The following DSTYK variants were observed in gnomAD, a reference collection of about 807,000 sequenced individuals.
DSTYK encodes the protein dual serine/threonine and tyrosine protein kinase.
In DSTYK, 34 loss-of-function variants were observed where a neutral mutation model predicts 98.7. The observed-to-expected ratio is 0.34, with a 90% CI of 0.26 to 0.46. The LOEUF is 0.46. Ranked by LOEUF, DSTYK falls within the 20% of genes least tolerant of loss-of-function variation. DSTYK has a pLI of 1.00. For missense variants in DSTYK, 962 were observed against 1,181.7 expected (o/e 0.81, Z 2.73); for synonymous variants, 462 against 457.3 (o/e 1.01, Z -0.13).
chr1:205,197,531 C>T (rs1452480790), intron 1 of DSTYK, among the ~76,000 whole-genome samples: 2 of 151,792 alleles, frequency 1.3e-5, no homozygotes, highest in Non-Finnish European at 2.9e-5. Context: ...CAAATATATA[C>T]CTAGCAAAGC....
At chr1:205,149,685 A>C (rs1657346410) in intron 11 of DSTYK, among the ~76,000 whole-genome samples, 1 of 152,172 alleles carries the variant, frequency 6.6e-6, no homozygotes, top group East Asian at 1.9e-4. Context: ...TACTGTTGCT[A>C]AAGCTCATCT....
chr1:205,159,349 C>T (rs530107769), intron 9 of DSTYK, among the ~76,000 whole-genome samples, 198 bp downstream of exon 9: 8 of 152,256 alleles, frequency 5.3e-5, no homozygotes, highest in African/African-American at 1.9e-4. Context: ...TTGGCCTCCC[C>T]ACGTGCTGGG....
chr1:205,199,690 G>A (rs1431793271), intron 1 of DSTYK, among the ~76,000 whole-genome samples: 1 of 152,036 alleles, frequency 6.6e-6, no homozygotes, highest in East Asian at 1.9e-4. Context: ...CCCCCACGTG[G>A]ACTCGCCCTC....
At chr1:205,204,316 C>T (rs1459547673) in intron 1 of DSTYK, among the ~76,000 whole-genome samples, 1 of 152,156 alleles carries the variant, frequency 6.6e-6, no homozygotes, top group East Asian at 1.9e-4. Context: ...GCCGCAGAAG[C>T]AGAATTGGAC....
At chr1:205,187,900 A>G in intron 1 of DSTYK, 94 bp from the exon 2 acceptor site, 2 of 1,242,466 alleles carry the variant, frequency 1.6e-6, no homozygotes, top group Non-Finnish European at 2.2e-6. Context: ...AAATCCCATG[A>G]GGAAGACAAG....
At chr1:205,149,205 G>GTT (rs74891716) in intron 11 of DSTYK, among the ~76,000 whole-genome samples, 2 of 146,708 alleles carry the variant, frequency 1.4e-5, no homozygotes, top group African/African-American at 5.0e-5. Flanking sequence ...CTGGCCGAAA[G>GTT]TTTTTTTTTT....
At chr1:205,177,418 G>A (rs1178359927) in intron 2 of DSTYK, among the ~76,000 whole-genome samples, 3 of 151,992 alleles carry the variant, frequency 2.0e-5, no homozygotes, top group South Asian at 2.1e-4. Context: ...TTCTCCTCTC[G>A]TGACATTCTC....
At chr1:205,180,836 A>G (rs964493759) in intron 2 of DSTYK, among the ~76,000 whole-genome samples, 6 of 152,192 alleles carry the variant, frequency 3.9e-5, no homozygotes, top group African/African-American at 1.4e-4. Context: ...TTGCCTCTGA[A>G]TCACACATAT....
chr1:205,160,273 A>G lies in DSTYK; in HGVS notation c.1949-3T>C. 5 of 1,613,708 alleles carry G rather than the reference A, an allele frequency of 3.1e-6. No individual in the cohort carries two copies. Among genetic ancestry groups the G allele is most frequent in the Non-Finnish European group, 4.2e-6 (5 of 1,179,940 alleles). On this transcript the variant is annotated splice_region_variant and splice_polypyrimidine_tract_variant and intron_variant, in intron 7 of 12. Transcript: ENST00000367162. ...TTCCTGTCCCAGTTTAGGTTTACCT[A>G]TAAGGTACAGAGACAGAGATAAGGC...
intron 2 of DSTYK, among the ~76,000 whole-genome samples, chr1:205,176,959 C>T (rs1012781979): frequency 1.3e-5 from 2 of 152,012 alleles, no homozygotes; most frequent in African/African-American, 4.8e-5. Flanking sequence ...AATCCTGGCA[C>T]TTTGGAAGGC....
chr1:205,211,376 C>G lies in DSTYK; in HGVS notation c.160G>C (p.Asp54His), dbSNP rs771931255. Reference sequence around the variant, plus strand: ...GTGTGGTTGTGGGAGCACTTGATGTCGCGGAAGAACTTCTGGGTCTCGCGC... The same window carrying G: ...GTGTGGTTGTGGGAGCACTTGATGTGGCGGAAGAACTTCTGGGTCTCGCGC... ...NLRETQKFFR[D>H]IKCSHNHTCL... is the part of the protein sequence containing the mutation. The change falls in exon 1 of 13, where the codon GAC (aspartate) becomes CAC (histidine). Residue 54 changes from aspartate (D) to histidine (H), a missense_variant. Around this residue, in one of 4 missense-constraint regions of DSTYK, gnomAD observed 168 missense variants for 120.0 expected, o/e 1.40. Transcript: ENST00000367162. 18 of 1,612,426 alleles carry G rather than the reference C, an allele frequency of 1.1e-5. No individual in the cohort carries two copies. Among genetic ancestry groups the G allele is most frequent in the Admixed American group, 1.7e-5 (1 of 59,908 alleles).
intron 3 of DSTYK, among the ~76,000 whole-genome samples, chr1:205,166,232 T>C (rs957512025): frequency 1.3e-5 from 2 of 152,052 alleles, no homozygotes; most frequent in Non-Finnish European, 2.9e-5. Context: ...GGGGATGGTG[T>C]CTTTATAACT....
chr1:205,174,886 C>T (rs11240375), intron 2 of DSTYK, among the ~76,000 whole-genome samples: 68,413 of 149,440 alleles, frequency 0.46, 19,039 homozygotes, highest in Non-Finnish European at 0.62. Flanking sequence ...TACAGGCATG[C>T]GCCACCACGC....
intron 2 of DSTYK, among the ~76,000 whole-genome samples, chr1:205,178,857 G>A (rs971487416): frequency 6.6e-6 from 1 of 152,086 alleles, no homozygotes; most frequent in Non-Finnish European, 1.5e-5. Context: ...ATTATAGGCC[G>A]GGCACACTGA....
At position 205,163,961 on chromosome 1, in the gene DSTYK, G is replaced by A; in HGVS notation, c.1325-6C>T. On this transcript the variant is annotated splice_region_variant and splice_polypyrimidine_tract_variant and intron_variant, in intron 3 of 12. Transcript: ENST00000367162. ...ATTCTCAGGGACAATGACGTCTATG[G>A]AGGCAGAGAAATAAGCTGAATAGTT... 1 of 1,612,782 alleles carries A rather than the reference G, an allele frequency of 6.2e-7. No homozygotes were observed. The highest frequency in any genetic ancestry group is 8.5e-7 in the Non-Finnish European group (1 of 1,178,826).
In DSTYK at chr1:205,201,405, C is replaced by CAAA. The variant is rs67120994; in HGVS notation, c.265+9863_265+9865dup. Among the ~76,000 whole-genome samples the CAAA allele has an allele frequency of 3.1e-3, 294 of 95,400 alleles. 3 individuals carry two copies. The highest frequency in any genetic ancestry group is 0.017 in the South Asian group (45 of 2,590). The allele number at this position is 95,400 out of a possible 152,430, so 62.6% of individuals were successfully genotyped here. A position where few individuals can be genotyped will look rare whatever the true frequency, so the allele number is the denominator to read the frequency against. On this transcript the variant is annotated intron_variant, in intron 1 of 12. Transcript: ENST00000367162. ...AATTAAAAACAAAATTTTTTTAATGCAAAAAAAAAAAAAAAAAAAGAATGC... is the reference window on the plus strand; with the variant it reads ...AATTAAAAACAAAATTTTTTTAATGCAAAAAAAAAAAAAAAAAAAAAAGAATGC...
chr1:205,169,409 T>C lies in DSTYK; in HGVS notation c.1078A>G (p.Lys360Glu), dbSNP rs751802361. Residue 360 changes from lysine (K) to glutamate (E), a missense_variant, in exon 3 of 13, where the codon AAG becomes GAG. Transcript: ENST00000367162. This position sits in a 1 kb window ranked among gnomAD's most constrained non-coding sequence, Gnocchi z 4.0. ...TGGCAGTGCACCAGGTTCAGGGCCT[T>C]GGCTGCATCCACCAGGCGAGTCTGT... ...VLQTRLVDAA[K>E]ALNLVHCHCL... The C allele has an allele frequency of 1.9e-6, 3 of 1,614,176 alleles. No individual in the cohort carries two copies. Among genetic ancestry groups the C allele is most frequent in the Non-Finnish European group, 2.5e-6 (3 of 1,180,038 alleles).
chr1:205,160,660 G>A (rs142387318), intron 7 of DSTYK, among the ~76,000 whole-genome samples: 67 of 152,148 alleles, frequency 4.4e-4, no homozygotes, highest in African/African-American at 1.6e-3. Context: ...TTGTGAACCT[G>A]CCTTTAGGGT....
At chr1:205,202,109 AGGGAGAAG>A (rs1283467941) in intron 1 of DSTYK, 1 of 371,342 alleles carries the variant, frequency 2.7e-6, no homozygotes, top group Non-Finnish European at 5.3e-6. Context: ...GAGAGGGGGA[AGGGAGAAG>A]GGGAAGGGAA....
Sources: gnomAD v4.1 joint callset for allele counts (sites outside exome capture counted in the v4.1 genomes callset) on GRCh38, gnomAD v4.1.1 for gene constraint, gnomAD v4.1.1 regional missense constraint, Gnocchi (gnomAD v3.1) non-coding constraint, MANE v1.5 for transcripts, NCBI Gene and HGNC (gene_info 2026-07-23, HGNC 2026-07-21) for gene names.